CSMD1: variants seen among roughly 807,000 people sequenced by gnomAD.
The protein encoded by CSMD1 is CUB and sushi domain-containing protein 1.
In CSMD1, 213 loss-of-function variants were observed where a neutral mutation model predicts 417.5. That is an observed-to-expected ratio of 0.51 (90% CI 0.46 to 0.57). CSMD1 has a LOEUF of 0.57. Ranked by LOEUF, CSMD1 falls within the 20% of genes least tolerant of loss-of-function variation. CSMD1 has a pLI of 0.00. For synonymous variants in CSMD1, 2,862 were observed against 1,736.8 expected (o/e 1.65, Z -16.11); for missense variants, 6,923 against 4,529.7 (o/e 1.53, Z -15.17).
chr8:3,287,732 A>G (rs969614017), intron 25 of CSMD1, among the ~76,000 whole-genome samples: 9 of 152,144 alleles, frequency 5.9e-5, no homozygotes, highest in East Asian at 1.9e-4. Flanking sequence ...TCCATATACA[A>G]TCACGTCATC....
intron 5 of CSMD1, among the ~76,000 whole-genome samples, chr8:3,886,058 A>G (rs1166517346): frequency 6.6e-6 from 1 of 151,804 alleles, no homozygotes; most frequent in Non-Finnish European, 1.5e-5. Context: ...CACATTTATT[A>G]TTATTTTTTT....
chr8:4,604,663 G>A (rs556260719), intron 2 of CSMD1, among the ~76,000 whole-genome samples: 1 of 152,170 alleles, frequency 6.6e-6, no homozygotes, highest in African/African-American at 2.4e-5. Flanking sequence ...TCACCAATCT[G>A]TTTATCCTCT....
At chr8:4,676,686 A>G (rs1378090847) in intron 1 of CSMD1, among the ~76,000 whole-genome samples, 1 of 152,062 alleles carries the variant, frequency 6.6e-6, no homozygotes, top group Non-Finnish European at 1.5e-5. Flanking sequence ...TAGCCTATGT[A>G]GCGTATCAAT....
chr8:3,764,404 A>G (rs970885385), intron 5 of CSMD1, among the ~76,000 whole-genome samples: 3 of 152,160 alleles, frequency 2.0e-5, no homozygotes, highest in Admixed American at 2.0e-4. Context: ...ATAATCAAAC[A>G]TATATAAACA....
chr8:4,179,197 C>G (rs1286336322), intron 3 of CSMD1, among the ~76,000 whole-genome samples: 2 of 152,092 alleles, frequency 1.3e-5, no homozygotes, highest in Non-Finnish European at 2.9e-5. Flanking sequence ...GCTACAGAAA[C>G]CAAAACAGCA....
At chr8:3,285,558 A>G (rs191830977) in intron 25 of CSMD1, among the ~76,000 whole-genome samples, 2 of 151,756 alleles carry the variant, frequency 1.3e-5, no homozygotes, top group East Asian at 3.9e-4. Context: ...AGTTATTATT[A>G]GTATTATTAT....
chr8:4,280,396 C>G (rs1796714123), intron 3 of CSMD1, among the ~76,000 whole-genome samples: 2 of 152,120 alleles, frequency 1.3e-5, no homozygotes, highest in Admixed American at 1.3e-4. Flanking sequence ...CTTCAGTTGT[C>G]TAGAATCTGA....
chr8:4,261,085 T>C (rs78658292), intron 3 of CSMD1, among the ~76,000 whole-genome samples: 453 of 152,316 alleles, frequency 3.0e-3, no homozygotes, highest in African/African-American at 0.011. Flanking sequence ...TTGTGCTATA[T>C]ATAATTTTTC....
chr8:4,131,636 A>G (rs942580832), intron 3 of CSMD1, among the ~76,000 whole-genome samples: 1 of 152,056 alleles, frequency 6.6e-6, no homozygotes, highest in African/African-American at 2.4e-5. Context: ...CTTCTTGACT[A>G]GTTCTCAAGT....
chr8:4,961,466 G>A (rs1182371038), intron 1 of CSMD1, among the ~76,000 whole-genome samples: 1 of 152,110 alleles, frequency 6.6e-6, no homozygotes, highest in Non-Finnish European at 1.5e-5. Context: ...TCAATACAGT[G>A]AAACATATTC....
At chr8:3,965,229 G>T (rs937446998) in intron 5 of CSMD1, among the ~76,000 whole-genome samples, 1 of 152,170 alleles carries the variant, frequency 6.6e-6, no homozygotes, top group Non-Finnish European at 1.5e-5. Context: ...CTTGAACAGA[G>T]ACGGCAAATG....
chr8:3,036,536 C>G (rs559636624), intron 50 of CSMD1, among the ~76,000 whole-genome samples: 1 of 152,262 alleles, frequency 6.6e-6, no homozygotes, highest in South Asian at 2.1e-4. Context: ...AGCCTCATAA[C>G]TGTTCCTCAT....
chr8:4,428,010 G>T (rs1789656028), intron 2 of CSMD1, among the ~76,000 whole-genome samples: 1 of 152,140 alleles, frequency 6.6e-6, no homozygotes, highest in Admixed American at 6.6e-5. Context: ...GATATTCCAA[G>T]TAGCTACTGT....
At chr8:3,659,422 T>C (rs915860189) in intron 7 of CSMD1, among the ~76,000 whole-genome samples, 4 of 152,212 alleles carry the variant, frequency 2.6e-5, no homozygotes, top group Non-Finnish European at 5.9e-5. Context: ...TTTAGAATCA[T>C]TGTATAATTA....
intron 7 of CSMD1, among the ~76,000 whole-genome samples, chr8:3,672,615 G>T (rs1402687229): frequency 1.3e-5 from 2 of 152,312 alleles, no homozygotes; most frequent in East Asian, 3.9e-4. Context: ...GTCTACTCTT[G>T]AAGGTATTTA....
At chr8:4,675,314 T>A (rs1366698652) in intron 1 of CSMD1, among the ~76,000 whole-genome samples, 2 of 152,174 alleles carry the variant, frequency 1.3e-5, no homozygotes, top group East Asian at 3.8e-4. Flanking sequence ...GTTATCAACA[T>A]CAAAAGTTAT....
intron 1 of CSMD1, among the ~76,000 whole-genome samples, chr8:4,871,917 T>G (rs1802760327): frequency 6.6e-6 from 1 of 152,058 alleles, no homozygotes; most frequent in African/African-American, 2.4e-5. Flanking sequence ...GTACTCTGTC[T>G]CTGGTTTTCA....
At chr8:3,017,906 T>C (rs654915) in intron 52 of CSMD1, among the ~76,000 whole-genome samples, 1,540 of 147,750 alleles carry the variant, frequency 0.01, 20 homozygotes, top group African/African-American at 0.037. Context: ...CCAGCAGACC[T>C]ACTAAGATCA....
intron 1 of CSMD1, among the ~76,000 whole-genome samples, chr8:4,670,726 T>C (rs893187745): frequency 3.9e-5 from 6 of 152,102 alleles, no homozygotes; most frequent in Non-Finnish European, 5.9e-5. Flanking sequence ...CAGAAAAAAA[T>C]AGTTGGCTCT....
Sources: allele counts gnomAD v4.1 joint callset (sites outside exome capture counted in the v4.1 genomes callset), GRCh38; gene constraint gnomAD v4.1.1; transcripts MANE v1.5; gene names NCBI Gene and HGNC (gene_info 2026-07-23, HGNC 2026-07-21).